The following ZNF670 variants were observed in gnomAD, a reference collection of about 807,000 sequenced individuals.
ZNF670 encodes the protein zinc finger protein 670.
A neutral mutation model predicts 10.9 loss-of-function variants in ZNF670; 7 were observed. The ratio of observed to expected loss-of-function variants is 0.64; its 90% CI spans 0.36 to 1.20. ZNF670 has a LOEUF of 1.20. ZNF670 is among the 50% of genes most tolerant of loss of function. The pLI, the probability that ZNF670 is intolerant of heterozygous loss-of-function variation, is 0.02. For synonymous variants in ZNF670, 136 were observed against 152.7 expected, an observed-to-expected ratio of 0.89 and a Z score of 0.81; for missense variants, 446 against 458.6, an observed-to-expected ratio of 0.97 and a Z score of 0.25.
intron 1 of ZNF670, among the ~76,000 whole-genome samples, chr1:247,055,290 C>G (rs1285391569): frequency 1.3e-5 from 2 of 152,226 alleles, no homozygotes; most frequent in Non-Finnish European, 2.9e-5. Context: ...GTGAGCCAAG[C>G]CTCTATGAAT....
At chr1:247,068,819 AC>A (rs1671050348) in intron 1 of ZNF670, among the ~76,000 whole-genome samples, 1 of 131,096 alleles carries the variant, frequency 7.6e-6, no homozygotes, top group African/African-American at 3.5e-5. Context: ...ACACTGGGGT[AC>A]TATTTTGCCA....
At position 247,037,683 on chromosome 1, in the gene ZNF670, T is replaced by C; in HGVS notation, c.936A>G (p.Lys312=). Residue 312 remains lysine, a synonymous_variant, in exon 4 of 4, where the codon AAA becomes AAG. Coordinates refer to ENST00000366503, the MANE Select transcript of ZNF670 (RefSeq NM_033213.5). ...AATATTTGAAGGCTTTACCACATTG[T>C]TTACATTCATAGGGCTTTTCTCCAC... is the stretch of plus-strand genomic sequence containing the variant. ...THSGEKPYEC[K]QCGKAFKYSS... 1 of 1,613,988 alleles carries C rather than the reference T, an allele frequency of 6.2e-7. No homozygotes were observed. The highest frequency in any genetic ancestry group is 1.3e-5 in the African/African-American group (1 of 75,022).
At chr1:247,038,556 A>T (rs1407022360) in intron 3 of ZNF670, 129 bp from the exon 4 acceptor site, 4 of 934,030 alleles carry the variant, frequency 4.3e-6, no homozygotes, top group Non-Finnish European at 6.3e-6. Flanking sequence ...TTACTGTAAG[A>T]TATGGGTCCC....
chr1:247,065,915 G>A (rs570461994), intron 1 of ZNF670, among the ~76,000 whole-genome samples: 4 of 152,250 alleles, frequency 2.6e-5, no homozygotes, highest in Non-Finnish European at 5.9e-5. Context: ...TTCTCAATGC[G>A]TAATAAATTT....
chr1:247,042,884 T>C (rs1057410455), intron 1 of ZNF670: 9 of 645,050 alleles, frequency 1.4e-5, no homozygotes, highest in Non-Finnish European at 2.6e-5. Context: ...CTGGCTCAAC[T>C]ACAGCAGAGT....
At chr1:247,058,797 G>GA (rs1424526159) in intron 1 of ZNF670, among the ~76,000 whole-genome samples, 4 of 150,278 alleles carry the variant, frequency 2.7e-5, no homozygotes, top group Non-Finnish European at 4.4e-5. Flanking sequence ...CCAATCCTTT[G>GA]AAAAAACCTC....
chr1:247,044,586 T>TA (rs1670395183), intron 1 of ZNF670, among the ~76,000 whole-genome samples: 1 of 152,166 alleles, frequency 6.6e-6, no homozygotes, highest in African/African-American at 2.4e-5. Context: ...CTGGATTTTT[T>TA]AAAAAGTGGT....
intron 1 of ZNF670, among the ~76,000 whole-genome samples, chr1:247,059,447 A>G (rs1290251857): frequency 6.6e-6 from 1 of 152,156 alleles, no homozygotes; most frequent in Non-Finnish European, 1.5e-5. Context: ...CTCTGTCTCA[A>G]AAAATAATAG....
At chr1:247,065,041 C>T (rs1670950597) in intron 1 of ZNF670, among the ~76,000 whole-genome samples, 1 of 152,110 alleles carries the variant, frequency 6.6e-6, no homozygotes, top group South Asian at 2.1e-4. Context: ...CTCCTGAGCT[C>T]AAGTGATCCA....
intron 1 of ZNF670, among the ~76,000 whole-genome samples, chr1:247,041,244 C>T (rs1670300947): frequency 6.6e-6 from 1 of 151,636 alleles, no homozygotes; most frequent in East Asian, 1.9e-4. Context: ...TTCATTTAAA[C>T]AGAAAAAAAG....
At position 247,071,920 on chromosome 1, in the gene ZNF670, C is replaced by A. The variant is rs561502329; in HGVS notation, c.3+6674G>T. Reference sequence around the variant, plus strand: ...TTGCCCAGGCTGGAGTGCAGTGGTGCAATCTCGGCTCACTGCAAGCTCCGC... The same window carrying A: ...TTGCCCAGGCTGGAGTGCAGTGGTGAAATCTCGGCTCACTGCAAGCTCCGC... On this transcript the variant is annotated intron_variant, in intron 1 of 3. Coordinates refer to ENST00000366503, the MANE Select transcript of ZNF670 (RefSeq NM_033213.5). Among the ~76,000 whole-genome samples, 506 of 149,422 alleles carry A rather than the reference C, an allele frequency of 3.4e-3. 2 individuals carry two copies. Among genetic ancestry groups the A allele is most frequent in the African/African-American group, 0.012 (478 of 40,452 alleles).
At chr1:247,063,752 G>A (rs947156032) in intron 1 of ZNF670, among the ~76,000 whole-genome samples, 3 of 151,912 alleles carry the variant, frequency 2.0e-5, no homozygotes, top group South Asian at 2.1e-4. Context: ...GTGACCCCAC[G>A]GACCACAACT....
intron 1 of ZNF670, among the ~76,000 whole-genome samples, chr1:247,076,743 C>T (rs904062537): frequency 6.6e-6 from 1 of 151,730 alleles, no homozygotes; most frequent in Non-Finnish European, 1.5e-5. Flanking sequence ...TCACTGCAAC[C>T]TCCACCTCCT....
intron 1 of ZNF670, among the ~76,000 whole-genome samples, chr1:247,041,693 G>A (rs911426367): frequency 1.3e-5 from 2 of 152,106 alleles, no homozygotes; most frequent in East Asian, 1.9e-4. Context: ...AATCATAGGA[G>A]CATTATTTTT....
chr1:247,043,435 T>A (rs1383929968), intron 1 of ZNF670: 2 of 595,774 alleles, frequency 3.4e-6, no homozygotes, highest in African/African-American at 3.8e-5. Context: ...AGAAAATCTA[T>A]AAACATAATA....
At chr1:247,041,304 A>G (rs1670301941) in intron 1 of ZNF670, among the ~76,000 whole-genome samples, 1 of 152,232 alleles carries the variant, frequency 6.6e-6, no homozygotes, top group African/African-American at 2.4e-5. Flanking sequence ...AAAGGCAAAA[A>G]GCAGTGGGAA....
chr1:247,071,977 C>T (rs1211082815), intron 1 of ZNF670, among the ~76,000 whole-genome samples: 1 of 151,548 alleles, frequency 6.6e-6, no homozygotes, highest in Non-Finnish European at 1.5e-5. Flanking sequence ...CCTGCCTCAG[C>T]CTCCCAAGTA....
At chr1:247,048,188 A>G (rs1257220313) in intron 1 of ZNF670, among the ~76,000 whole-genome samples, 1 of 152,172 alleles carries the variant, frequency 6.6e-6, no homozygotes, top group African/African-American at 2.4e-5. Context: ...TGCTTTTAAG[A>G]GCACCCAAGT....
chr1:247,058,720 A>C (rs1287055115), intron 1 of ZNF670, among the ~76,000 whole-genome samples: 3 of 151,776 alleles, frequency 2.0e-5, no homozygotes, highest in Admixed American at 2.0e-4. Context: ...AAAAAAAAAA[A>C]AAAAAACCAC....
Sources: allele counts gnomAD v4.1 joint callset (sites outside exome capture counted in the v4.1 genomes callset), GRCh38; gene constraint gnomAD v4.1.1; transcripts MANE v1.5; gene names NCBI Gene and HGNC (gene_info 2026-07-23, HGNC 2026-07-21).